UBAP2L: variants seen among roughly 807,000 people sequenced by gnomAD.
The protein encoded by UBAP2L is ubiquitin-associated protein 2-like.
UBAP2L carries 12 observed loss-of-function variants against 130.6 expected under a neutral mutation model. The ratio of observed to expected loss-of-function variants is 0.09; its 90% CI spans 0.06 to 0.15. The LOEUF (loss-of-function observed/expected upper bound fraction) is 0.15, where lower values mean the gene tolerates loss of function less well. Among genes scored for constraint, UBAP2L ranks in the 10% least tolerant of loss-of-function variants. The pLI is 1.00. For missense variants in UBAP2L, 965 were observed against 1,332.5 expected (o/e 0.72, Z 4.29); for synonymous variants, 503 against 524.7 (o/e 0.96, Z 0.57).
chr1:154,257,614 G>T (rs1011779427), intron 20 of UBAP2L, 180 bp downstream of exon 20: 27 of 648,046 alleles, frequency 4.2e-5, no homozygotes, highest in Non-Finnish European at 6.0e-5. Context: ...CCGTATTTTT[G>T]ATCTGTGTGT....
chr1:154,256,239 G>T (rs77662776), intron 18 of UBAP2L, among the ~76,000 whole-genome samples: 3,491 of 152,266 alleles, frequency 0.023, 156 homozygotes, highest in African/African-American at 0.079. Context: ...TAAAGGGAAG[G>T]ACCCATTTTG....
intron 16 of UBAP2L, 42 bp from the exon 17 acceptor site, chr1:154,255,110 C>T (rs1343311968): frequency 2.5e-6 from 4 of 1,605,308 alleles, no homozygotes. Context: ...TAGACATTCC[C>T]TTTTTTCTGA....
chr1:154,238,158 G>A (rs148405029), intron 8 of UBAP2L, among the ~76,000 whole-genome samples: 104 of 152,216 alleles, frequency 6.8e-4, no homozygotes, highest in African/African-American at 2.4e-3. Context: ...TTATTCCTGA[G>A]GCTCTGAATG....
intron 11 of UBAP2L, 126 bp downstream of exon 11, chr1:154,246,501 C>G (rs1191688469): frequency 6.3e-6 from 7 of 1,104,592 alleles, no homozygotes; most frequent in African/African-American, 1.6e-5. Flanking sequence ...CTTAAGCAGA[C>G]TTGGTTGTAG....
Position 154,246,144 on chromosome 1 carries a change from G to A in UBAP2L, c.843-60G>A, listed in dbSNP as rs1675400534. The A allele has an allele frequency of 2.6e-6, 4 of 1,533,550 alleles. No homozygotes were observed. In the South Asian group the frequency reaches 3.6e-5, roughly 14 times the overall value. The allele number at this position is 1,533,550 out of a possible 1,614,324, so 95.0% of individuals were successfully genotyped here. ...CATTTTGATCTAATCTGATTTGAGT[G>A]TTGGGGAATGTTAGCGTGTTCAGTC... On this transcript the variant is annotated intron_variant, in intron 10 of 26. Coordinates refer to ENST00000428931, the MANE Select transcript of UBAP2L (RefSeq NM_014847.4).
chr1:154,221,273 C>T (rs1665934351), intron 1 of UBAP2L: 1 of 152,702 alleles, frequency 6.5e-6, no homozygotes, highest in African/African-American at 2.4e-5. Context: ...GCCGGGGCCT[C>T]GATTTGGGAG....
In UBAP2L at chr1:154,236,863, G is replaced by T. The variant is rs571221837; in HGVS notation, c.591-161G>T. On this transcript the variant is annotated intron_variant, in intron 7 of 26. Coordinates refer to ENST00000428931, the MANE Select transcript of UBAP2L (RefSeq NM_014847.4). ...TTGAGATTATACCATGAAATTTTGG[G>T]TAGAGTGATAAGTGAGAAAAAGTAG... Among the ~76,000 whole-genome samples, 22 of 152,208 alleles carry T rather than the reference G, an allele frequency of 1.4e-4. 1 individual carries two copies. The South Asian group carries it at 3.9e-3, about 27-fold the overall frequency.
rs751165664 is a variant in UBAP2L at position 154,255,735 on chromosome 1, A to C, written c.2137A>C (p.Thr713Pro). Residue 713 changes from threonine (T) to proline (P), a missense_variant, in exon 18 of 27, where the codon ACT becomes CCT. Physicochemically the swap from Thr to Pro is conservative, Grantham distance 38. Transcript: ENST00000428931. ...TTCATCATCAACATCTTCTGGGCGC[A>C]CTTCGACATCCACTCTTTTGGTAAG... The part of the protein sequence containing the change: ...TLSSSTSSGR[T>P]STSTLLHTSV... 6.2e-7 allele frequency: 1 copy of C among 1,614,216 alleles called. No homozygotes were observed. Among genetic ancestry groups the C allele is most frequent in the South Asian group, 1.1e-5 (1 of 91,086 alleles).
At chr1:154,255,463 G>A (rs1679322709) in intron 17 of UBAP2L, 137 bp downstream of exon 17, 1 of 1,268,380 alleles carries the variant, frequency 7.9e-7, no homozygotes, top group Non-Finnish European at 1.1e-6. Context: ...AGAACTGTGG[G>A]AAGTGAAGAC....
chr1:154,263,679 A>G (rs931151431), intron 24 of UBAP2L, among the ~76,000 whole-genome samples: 4 of 152,150 alleles, frequency 2.6e-5, no homozygotes, highest in African/African-American at 9.7e-5. Context: ...TCAGTTTCCC[A>G]CCTGTTGATT....
intron 4 of UBAP2L, among the ~76,000 whole-genome samples, chr1:154,229,260 TC>T (rs1270676514): frequency 1.3e-5 from 2 of 152,128 alleles, no homozygotes; most frequent in East Asian, 3.9e-4. Context: ...CTGCTGACCA[TC>T]CCTGGAGATG....
chr1:154,258,692 C>G (rs1167197202), intron 20 of UBAP2L: 1 of 268,932 alleles, frequency 3.7e-6, no homozygotes, highest in Non-Finnish European at 7.1e-6. Flanking sequence ...GAGAGTAAAA[C>G]TGGTTGTTCG....
intron 11 of UBAP2L, 75 bp downstream of exon 11, chr1:154,246,450 G>T: frequency 1.3e-6 from 2 of 1,493,596 alleles, no homozygotes; most frequent in South Asian, 2.7e-5. Flanking sequence ...TCCTTCCAAA[G>T]ACAGTCAGGT....
chr1:154,257,374 G>A lies in UBAP2L; in HGVS notation c.2382G>A (p.Gly794=). ...AAGCTCCTCCCAACCTCCCTCCTGG[G>A]GTCCCGCCGTTGTTGCCTAATCCGT... ...SGKAPPNLPP[G]VPPLLPNPYI... is the part of the protein sequence containing the mutation. The change falls in exon 20 of 27, where the codon GGG becomes GGA. Residue 794 remains glycine (G), a synonymous_variant. Coordinates refer to ENST00000428931, the MANE Select transcript of UBAP2L (RefSeq NM_014847.4). 5 of 1,613,614 alleles carry A rather than the reference G, an allele frequency of 3.1e-6. No homozygotes were observed. In the African/African-American group the frequency reaches 4.0e-5, roughly 13 times the overall value.
Position 154,257,090 on chromosome 1 carries a change from C to T in UBAP2L, c.2185C>T (p.Leu729Phe). 1 of 1,614,018 alleles carries T rather than the reference C, an allele frequency of 6.2e-7. No homozygotes were observed. The highest frequency in any genetic ancestry group is 8.5e-7 in the Non-Finnish European group (1 of 1,180,028). ...LHTSVESEANLHSSSSTFSTT... is the reference protein window; with the variant it reads ...LHTSVESEANFHSSSSTFSTT... Reference sequence around the variant, plus strand: ...CACAAGTGTGGAGAGTGAGGCGAATCTCCATTCTTCCTCCAGCACTTTTTC... The same window carrying T: ...CACAAGTGTGGAGAGTGAGGCGAATTTCCATTCTTCCTCCAGCACTTTTTC... Residue 729 changes from leucine (L) to phenylalanine (F), a missense_variant, in exon 19 of 27, where the codon CTC (leucine) becomes TTC (phenylalanine). Coordinates refer to ENST00000428931, the MANE Select transcript of UBAP2L (RefSeq NM_014847.4).
At chr1:154,254,576 G>T (rs1052457189) in intron 15 of UBAP2L, 44 of 547,220 alleles carry the variant, frequency 8.0e-5, no homozygotes, top group Non-Finnish European at 2.2e-5. Context: ...TAGGTTTGGG[G>T]TGTCTTCAAC....
intron 6 of UBAP2L, among the ~76,000 whole-genome samples, chr1:154,235,762 G>A (rs781466102): frequency 1.3e-5 from 2 of 151,992 alleles, no homozygotes; most frequent in African/African-American, 2.4e-5. Flanking sequence ...CGCCCGCCTC[G>A]CTAATTTTTA....
intron 10 of UBAP2L, among the ~76,000 whole-genome samples, chr1:154,245,930 A>G (rs1018513000): frequency 1.3e-5 from 2 of 152,066 alleles, no homozygotes; most frequent in African/African-American, 4.8e-5. Flanking sequence ...ACAAACAAAC[A>G]AAAACTAGCA....
intron 6 of UBAP2L, 152 bp downstream of exon 6, chr1:154,235,443 C>T (rs1469562081): frequency 1.8e-6 from 1 of 564,286 alleles, no homozygotes; most frequent in East Asian, 3.2e-5. Flanking sequence ...GCCTCAGACT[C>T]CTGGGCTCAA....
Sources: allele counts gnomAD v4.1 joint callset (sites outside exome capture counted in the v4.1 genomes callset), GRCh38; gene constraint gnomAD v4.1.1; transcripts MANE v1.5; gene names NCBI Gene and HGNC (gene_info 2026-07-23, HGNC 2026-07-21).